The following MYBPC3 variants were observed in gnomAD, a reference collection of about 807,000 sequenced individuals.
MYBPC3 encodes the protein myosin-binding protein C, cardiac-type.
Under a neutral mutation model 159.3 loss-of-function variants are expected in MYBPC3, and 108 were observed. That is an observed-to-expected ratio of 0.68 (90% CI 0.58 to 0.80). MYBPC3 has a LOEUF of 0.80. MYBPC3 is among the 30% of genes least tolerant of loss of function. The probability of loss-of-function intolerance (pLI) is 0.00; values close to 1 mark genes in which losing one functional copy is unlikely to be tolerated. For missense variants in MYBPC3, 1,631 were observed against 1,762.1 expected (o/e 0.93, Z 1.33); for synonymous variants, 730 against 702.0 (o/e 1.04, Z -0.63).
At position 47,350,482 on chromosome 11, in the gene MYBPC3, C is replaced by T. The variant is rs915059752; in HGVS notation, c.406+20G>A. Reference sequence around the variant, plus strand: ...CGCCCTACCCACGGATCCTGCCCCTCCCTGCCCAGCCCCTCTCACCTTTGG... The same window carrying T: ...CGCCCTACCCACGGATCCTGCCCCTTCCTGCCCAGCCCCTCTCACCTTTGG... On this transcript the variant is annotated intron_variant, in intron 3 of 34. Coordinates refer to ENST00000545968, the MANE Select transcript of MYBPC3 (RefSeq NM_000256.3). 2.1e-5 allele frequency: 33 copies of T among 1,547,488 alleles called. No homozygotes were observed. The highest frequency in any genetic ancestry group is 4.8e-5 in the South Asian group (4 of 83,462).
chr11:47,332,977 G>A lies in MYBPC3; in HGVS notation c.3331-4C>T. ...GCTCCAAGACGGTGAACCACTCCTG[G>A]GGGCAGGGAGGGAGGGGAGGCATCT... On this transcript the variant is annotated splice_polypyrimidine_tract_variant and splice_region_variant and intron_variant, in intron 30 of 34. Coordinates refer to ENST00000545968, the MANE Select transcript of MYBPC3 (RefSeq NM_000256.3). The surrounding 1 kb of genome is among the most constrained non-coding windows in gnomAD (Gnocchi z 4.2). 6.2e-7 allele frequency: 1 copy of A among 1,606,708 alleles called. No homozygotes were observed. The highest frequency in any genetic ancestry group is 8.5e-7 in the Non-Finnish European group (1 of 1,176,614).
At chr11:47,334,834 A>G (rs1565623919) in intron 27 of MYBPC3, among the ~76,000 whole-genome samples, 1 of 152,194 alleles carries the variant, frequency 6.6e-6, no homozygotes, top group Non-Finnish European at 1.5e-5. Context: ...AAGTGCTGGG[A>G]TTACAGGCTT....
intron 3 of MYBPC3, 119 bp from the exon 4 acceptor site, chr11:47,350,231 C>A: frequency 4.0e-6 from 5 of 1,259,236 alleles, no homozygotes; most frequent in Non-Finnish European, 5.5e-6. Context: ...TCACACCATT[C>A]TCCTGCCTCA....
chr11:47,337,900 C>T, intron 23 of MYBPC3, 106 bp from the exon 24 acceptor site: 6 of 837,128 alleles, frequency 7.2e-6, no homozygotes, highest in Admixed American at 7.1e-5. Context: ...GCTGCCCCCA[C>T]CACCCCCAGA....
In MYBPC3 at chr11:47,351,331, G is replaced by T; in HGVS notation, c.200C>A (p.Thr67Lys). 1 of 1,595,460 alleles carries T rather than the reference G, an allele frequency of 6.3e-7. No individual in the cohort carries two copies. Among genetic ancestry groups the T allele is most frequent in the East Asian group, 2.3e-5 (1 of 43,656 alleles). Residue 67 changes from threonine (T) to lysine (K), a missense_variant, in exon 2 of 35, where the codon ACA (threonine) becomes AAA (lysine). By Grantham distance (78) the Thr-to-Lys change is moderately conservative. Coordinates refer to ENST00000545968, the MANE Select transcript of MYBPC3 (RefSeq NM_000256.3). This position sits in a 1 kb window ranked among gnomAD's most constrained non-coding sequence, Gnocchi z 4.2. ...GTCGGCAGGGCCCACTTCCCGCACT[G>T]TCAGCGTATGCCGTGTGCCCTCTGT... ...LATEGTRHTLTVREVGPADQG... is the reference protein window; with the variant it reads ...LATEGTRHTLKVREVGPADQG...
Position 47,350,527 on chromosome 11 carries a change from C to T in MYBPC3, c.381G>A (p.Leu127=), listed in dbSNP as rs750955473. 1.3e-6 allele frequency: 2 copies of T among 1,559,830 alleles called. No homozygotes were observed. The highest frequency in any genetic ancestry group is 1.7e-6 in the Non-Finnish European group (2 of 1,157,458). The change falls in exon 3 of 35, where the codon CTG becomes CTA. Residue 127 remains leucine (L), a synonymous_variant. Transcript: ENST00000545968. The part of the protein sequence containing the change: ...PGEAPAPAAE[L]GESAPSPKGS... ...CTTTGGGACTTGGGGCACTTTCTCC[C>T]AGCTCAGCGGCTGGGGCCGGGGCTT...
rs1274833977 is a variant in MYBPC3 at position 47,342,145 on chromosome 11, C to T, written c.1636G>A (p.Glu546Lys). 6.2e-7 allele frequency: 1 copy of T among 1,613,978 alleles called. No homozygotes were observed. The highest frequency in any genetic ancestry group is 8.5e-7 in the Non-Finnish European group (1 of 1,179,874). Residue 546 changes from glutamate (E) to lysine (K), a missense_variant, in exon 18 of 35, where the codon GAG becomes AAG. Glu to Lys is a moderately conservative substitution (Grantham distance 56). Coordinates refer to ENST00000545968, the MANE Select transcript of MYBPC3 (RefSeq NM_000256.3). ...AELIVQEKKL[E>K]VYQSIADLMV... ...AGGTCTGCGATGCTCTGGTACACCT[C>T]CAGCTTCTTTTCTGCAGGGCAGGGC... is the stretch of plus-strand genomic sequence containing the variant.
At chr11:47,343,421 A>T in intron 13 of MYBPC3, 71 bp downstream of exon 13, 1 of 1,515,934 alleles carries the variant, frequency 6.6e-7, no homozygotes, top group East Asian at 2.4e-5. Flanking sequence ...ACGCATGTGG[A>T]GAGGGGCAGG....
chr11:47,345,299 C>T (rs867901296), intron 12 of MYBPC3, among the ~76,000 whole-genome samples: 1 of 152,122 alleles, frequency 6.6e-6, no homozygotes. Context: ...GCCACGGTGC[C>T]GGTAAGGGCC....
rs1035597959 is a variant in MYBPC3, at chr11:47,341,307, C to A, written c.1791-63G>T. The A allele has an allele frequency of 1.8e-5, 24 of 1,342,936 alleles. 1 individual carries two copies. Among genetic ancestry groups the A allele is most frequent in the Middle Eastern group, 4.7e-4 (2 of 4,242 alleles). 83.2% of individuals were successfully genotyped at this position (1,342,936 alleles called of 1,614,324 possible). On this transcript the variant is annotated intron_variant, in intron 18 of 34. Transcript: ENST00000545968. ...CACACACCCCTGGCCTTGCCAGATA[C>A]CCCAGCCAGGGTCCCAGGAGGCCCT...
chr11:47,347,541 TG>T, intron 8 of MYBPC3, 62 bp from the exon 9 acceptor site: 1 of 1,567,784 alleles, frequency 6.4e-7, no homozygotes, highest in Non-Finnish European at 8.7e-7. Flanking sequence ...AGGAGCAGGA[TG>T]GGAGTGGAGT....
Position 47,335,184 on chromosome 11 carries a change from C to T in MYBPC3, c.2763G>A (p.Gln921=). Residue 921 remains glutamine, a synonymous_variant, in exon 27 of 35, where the codon CAG becomes CAA. Transcript: ENST00000545968. ...GTATCGATGTGTGCTCTGTCAGCCC[C>T]TGCAGGGCAGCCACCCACTCTGAGC... ...EGCSEWVAAL[Q]GLTEHTSILV... The T allele has an allele frequency of 6.2e-7, 1 of 1,607,078 alleles. No individual in the cohort carries two copies. Among genetic ancestry groups the T allele is most frequent in the African/African-American group, 1.3e-5 (1 of 74,726 alleles).
intron 6 of MYBPC3, 99 bp downstream of exon 6, chr11:47,348,325 G>A: frequency 1.1e-6 from 1 of 899,388 alleles, no homozygotes; most frequent in African/African-American, 1.7e-5. Context: ...ACTCATGTCT[G>A]GATGGGACGA....
At position 47,341,238 on chromosome 11, in the gene MYBPC3, G is replaced by C; in HGVS notation, c.1797C>G (p.His599Gln). ...GTGTGACGTCGTCAATGGTCAGTTTGTGGACCCTGCAGGGGAGCAGTGGCT... is the reference window on the plus strand; with the variant it reads ...GTGTGACGTCGTCAATGGTCAGTTTCTGGACCCTGCAGGGGAGCAGTGGCT... ...RIKVSHIGRV[H>Q]KLTIDDVTPA... The change falls in exon 19 of 35, where the codon CAC becomes CAG. Residue 599 changes from histidine (H) to glutamine (Q), a missense_variant. By Grantham distance (24) the His-to-Gln change is conservative. Coordinates refer to ENST00000545968, the MANE Select transcript of MYBPC3 (RefSeq NM_000256.3). The C allele has an allele frequency of 6.3e-7, 1 of 1,584,690 alleles. No individual in the cohort carries two copies. The highest frequency in any genetic ancestry group is 8.6e-7 in the Non-Finnish European group (1 of 1,165,416).
Position 47,339,416 on chromosome 11 carries a change from G to T in MYBPC3, c.2068-12C>A. The T allele has an allele frequency of 6.2e-7, 1 of 1,613,638 alleles. No homozygotes were observed. The highest frequency in any genetic ancestry group is 1.1e-5 in the South Asian group (1 of 91,076). ...GGGGCCTTATTCCCCTGGGAACAGG[G>T]CAGGAGGGAAGTAGGGAGCAGAGGA... On this transcript the variant is annotated splice_polypyrimidine_tract_variant and intron_variant, in intron 21 of 34. Coordinates refer to ENST00000545968, the MANE Select transcript of MYBPC3 (RefSeq NM_000256.3).
At position 47,348,445 on chromosome 11, in the gene MYBPC3, T is replaced by C; in HGVS notation, c.751A>G (p.Asn251Asp). 2 of 1,612,784 alleles carry C rather than the reference T, an allele frequency of 1.2e-6. No homozygotes were observed. The highest frequency in any genetic ancestry group is 1.7e-6 in the Non-Finnish European group (2 of 1,179,290). ...VSTKDKFDCS[N>D]FNLTVHEAMG... ...TCACCGTGGACAGTGAGATTGAAGTTGGAGCAGTCAAATTTGTCCTTGGTG... is the reference window on the plus strand; with the variant it reads ...TCACCGTGGACAGTGAGATTGAAGTCGGAGCAGTCAAATTTGTCCTTGGTG... The change falls in exon 6 of 35, where the codon AAC becomes GAC. Residue 251 changes from asparagine to aspartate, a missense_variant. Physicochemically the swap from Asn to Asp is conservative, Grantham distance 23. Coordinates refer to ENST00000545968, the MANE Select transcript of MYBPC3 (RefSeq NM_000256.3).
intron 2 of MYBPC3, among the ~76,000 whole-genome samples, chr11:47,350,950 C>G (rs1472376539): frequency 1.3e-5 from 2 of 152,134 alleles, no homozygotes. Context: ...GCTTCCCGGC[C>G]GTCTGTGCAG....
In MYBPC3 at chr11:47,338,578, C is replaced by T. The variant is rs373338699; in HGVS notation, c.2250G>A (p.Thr750=). ...GAEKEDEGVY[T]VTVKNPVGED... ...CGCCCACAGGGTTCTTCACTGTGAC[C>T]GTGTAGACGCCCTCATCTTCCTTCT... The change falls in exon 23 of 35, where the codon ACG becomes ACA. Residue 750 remains threonine, a synonymous_variant. Transcript: ENST00000545968. This position sits in a 1 kb window ranked among gnomAD's most constrained non-coding sequence, Gnocchi z 4.7. 5.0e-6 allele frequency: 8 copies of T among 1,613,906 alleles called. No homozygotes were observed. The highest frequency in any genetic ancestry group is 1.6e-4 in the Middle Eastern group (1 of 6,084).
rs371646272 is a variant in MYBPC3, at chr11:47,339,622, T to TG, written c.2067+28dup. 10 of 1,546,476 alleles carry TG rather than the reference T, an allele frequency of 6.5e-6. No homozygotes were observed. In the African/African-American group the frequency reaches 1.2e-4, roughly 19 times the overall value. ...TGGTTCCACACACCCATCTTATAGA[T>TG]GGGGAGACTGAGGAGGGACCCACAG... On this transcript the variant is annotated intron_variant, in intron 21 of 34. Transcript: ENST00000545968.
Sources: allele counts gnomAD v4.1 joint callset (sites outside exome capture counted in the v4.1 genomes callset), GRCh38; gene constraint gnomAD v4.1.1; non-coding constraint Gnocchi (gnomAD v3.1); transcripts MANE v1.5; gene names NCBI Gene and HGNC (gene_info 2026-07-23, HGNC 2026-07-21).